KCNIP4: variants seen among roughly 807,000 people sequenced by gnomAD.
KCNIP4 encodes the protein Kv channel-interacting protein 4.
In KCNIP4, 12 loss-of-function variants were observed where a neutral mutation model predicts 34.0. That is an observed-to-expected ratio of 0.35 (90% CI 0.23 to 0.57). The LOEUF is 0.57. Among genes scored for constraint, KCNIP4 ranks in the 20% least tolerant of loss-of-function variants. The pLI, the probability that KCNIP4 is intolerant of heterozygous loss-of-function variation, is 0.83. For missense variants in KCNIP4, 238 were observed against 311.7 expected (o/e 0.76, Z 1.78); for synonymous variants, 124 against 102.2 (o/e 1.21, Z -1.29).
intron 1 of KCNIP4, among the ~76,000 whole-genome samples, chr4:21,307,026 T>G (rs1560275919): frequency 1.3e-5 from 2 of 152,072 alleles, no homozygotes; most frequent in Non-Finnish European, 2.9e-5. Context: ...TTCTCCATGT[T>G]GGTGAGGCTG....
intron 1 of KCNIP4, among the ~76,000 whole-genome samples, chr4:21,930,838 A>G (rs781586106): frequency 3.3e-5 from 5 of 152,098 alleles, no homozygotes; most frequent in Admixed American, 6.6e-5. Flanking sequence ...ATGTTGCTCT[A>G]AGAGCTACTT....
intron 1 of KCNIP4, among the ~76,000 whole-genome samples, chr4:21,822,875 G>T (rs2109292942): frequency 6.6e-6 from 1 of 152,020 alleles, no homozygotes; most frequent in Admixed American, 6.6e-5. Context: ...CCACCACCAT[G>T]CCCAGCTAAT....
Position 21,208,354 on chromosome 4 carries a change from G to A in KCNIP4, c.62-325645C>T, listed in dbSNP as rs574934437. Among the ~76,000 whole-genome samples, 9 of 152,208 alleles carry A rather than the reference G, an allele frequency of 5.9e-5. 1 individual carries two copies. The South Asian group carries it at 1.9e-3, about 32-fold the overall frequency. On this transcript the variant is annotated intron_variant, in intron 1 of 8. Coordinates refer to ENST00000382152, the MANE Select transcript of KCNIP4 (RefSeq NM_025221.6). ...AATGTCACTAGACTACTCTTTCTAA[G>A]ATACATCAAGTGGGTCAATGCAGTC...
Position 21,630,505 on chromosome 4 carries a change from A to G in KCNIP4, c.61+318066T>C, listed in dbSNP as rs1487851987. The stretch of plus-strand genomic sequence containing the variant: ...TCAGAATCCCATTTTCTTCTCTATC[A>G]TCACCATACTCATGTTCATATTATC... On this transcript the variant is annotated intron_variant, in intron 1 of 8. Coordinates refer to ENST00000382152, the MANE Select transcript of KCNIP4 (RefSeq NM_025221.6). 4.0e-5 allele frequency among the ~76,000 whole-genome samples: 6 copies of G among 151,380 alleles called. No individual in the cohort carries two copies. In the East Asian group the frequency reaches 1.2e-3, roughly 30 times the overall value.
chr4:21,468,038 AC>A (rs1730143812), intron 1 of KCNIP4, among the ~76,000 whole-genome samples: 1 of 152,098 alleles, frequency 6.6e-6, no homozygotes, highest in South Asian at 2.1e-4. Flanking sequence ...TTTGAGAGTA[AC>A]CCTTAGGGCA....
At chr4:21,067,044 C>T (rs1412488321) in intron 1 of KCNIP4, among the ~76,000 whole-genome samples, 1 of 152,136 alleles carries the variant, frequency 6.6e-6, no homozygotes, top group East Asian at 1.9e-4. Context: ...CTGTGTCTTG[C>T]AACTTGGATA....
At chr4:20,767,982 G>A (rs1009752564) in intron 3 of KCNIP4, among the ~76,000 whole-genome samples, 6 of 152,210 alleles carry the variant, frequency 3.9e-5, no homozygotes, top group Admixed American at 1.3e-4. Flanking sequence ...CGGTCTATCA[G>A]TTAAAATAGT....
At position 21,655,282 on chromosome 4, in the gene KCNIP4, A is replaced by G. The variant is rs564703193; in HGVS notation, c.61+293289T>C. Among the ~76,000 whole-genome samples, 3 of 152,254 alleles carry G rather than the reference A, an allele frequency of 2.0e-5. No homozygotes were observed. The East Asian group carries it at 5.8e-4, about 30-fold the overall frequency. On this transcript the variant is annotated intron_variant, in intron 1 of 8. Transcript: ENST00000382152. ...TCGGTGGCTGAGGAGATGGCTACTTAATAGATAATCTGCAATGCAAGCCAA... is the reference window on the plus strand; with the variant it reads ...TCGGTGGCTGAGGAGATGGCTACTTGATAGATAATCTGCAATGCAAGCCAA...
chr4:21,318,241 G>T (rs1022521006), intron 1 of KCNIP4, among the ~76,000 whole-genome samples: 4 of 152,244 alleles, frequency 2.6e-5, no homozygotes. Flanking sequence ...CTCATGTAAA[G>T]GTTTGCTAGG....
chr4:20,834,352 T>C (rs1002562390), intron 3 of KCNIP4, among the ~76,000 whole-genome samples: 1 of 152,186 alleles, frequency 6.6e-6, no homozygotes, highest in African/African-American at 2.4e-5. Context: ...CCAGGAAAAG[T>C]ACAGGGTACT....
At chr4:21,664,749 A>C (rs1748709138) in intron 1 of KCNIP4, among the ~76,000 whole-genome samples, 1 of 152,066 alleles carries the variant, frequency 6.6e-6, no homozygotes, top group African/African-American at 2.4e-5. Context: ...CCTTCATCTC[A>C]CCATGCCACC....
At chr4:21,528,168 C>T (rs1436036732) in intron 1 of KCNIP4, among the ~76,000 whole-genome samples, 1 of 152,210 alleles carries the variant, frequency 6.6e-6, no homozygotes, top group South Asian at 2.1e-4. Context: ...GATTCCAGAT[C>T]GATGCTTTTT....
rs144755481 is a variant in KCNIP4 at position 21,388,456 on chromosome 4, T to C, written c.62-505747A>G. On this transcript the variant is annotated intron_variant, in intron 1 of 8. Transcript: ENST00000382152. ...CACTTTTCATGTTTTAAGTACTCAATATACCCATAGATTATTATCTTTTTA... is the reference window on the plus strand; with the variant it reads ...CACTTTTCATGTTTTAAGTACTCAACATACCCATAGATTATTATCTTTTTA... Among the ~76,000 whole-genome samples the C allele has an allele frequency of 3.6e-3, 554 of 152,152 alleles. 3 individuals are homozygous for C. Among genetic ancestry groups the C allele is most frequent in the African/African-American group, 0.012 (519 of 41,548 alleles).
intron 1 of KCNIP4, among the ~76,000 whole-genome samples, chr4:21,019,040 C>T (rs900838876): frequency 2.0e-5 from 3 of 152,048 alleles, no homozygotes; most frequent in Admixed American, 6.5e-5. Context: ...AATAAGTGTC[C>T]CCAGGGTTGA....
intron 1 of KCNIP4, among the ~76,000 whole-genome samples, chr4:21,013,671 T>G (rs112576576): frequency 0.013 from 2,046 of 152,272 alleles, 44 homozygotes; most frequent in African/African-American, 0.046. Context: ...GGAGGATTTG[T>G]GTCAGGTAAA....
intron 1 of KCNIP4, among the ~76,000 whole-genome samples, chr4:20,970,716 C>T (rs1275974097): frequency 6.6e-6 from 1 of 152,140 alleles, no homozygotes; most frequent in Non-Finnish European, 1.5e-5. Context: ...TTGAGAATCC[C>T]TGCCTAAAAC....
At chr4:21,683,956 C>G (rs935002919) in intron 1 of KCNIP4, among the ~76,000 whole-genome samples, 1 of 151,832 alleles carries the variant, frequency 6.6e-6, no homozygotes, top group African/African-American at 2.4e-5. Flanking sequence ...AGGGGAACAA[C>G]AGATACTGGG....
intron 1 of KCNIP4, among the ~76,000 whole-genome samples, chr4:20,907,970 AAG>A (rs1560561029): frequency 6.6e-6 from 1 of 152,150 alleles, no homozygotes; most frequent in Non-Finnish European, 1.5e-5. Flanking sequence ...ATTCTGATAA[AAG>A]AGATTCCTGA....
At chr4:21,675,340 A>G (rs527455081) in intron 1 of KCNIP4, among the ~76,000 whole-genome samples, 2 of 152,234 alleles carry the variant, frequency 1.3e-5, no homozygotes, top group African/African-American at 4.8e-5. Context: ...TAATGGGTGC[A>G]AAAAATAATT....
Sources: allele counts gnomAD v4.1 joint callset (sites outside exome capture counted in the v4.1 genomes callset), GRCh38; gene constraint gnomAD v4.1.1; transcripts MANE v1.5; gene names NCBI Gene and HGNC (gene_info 2026-07-23, HGNC 2026-07-21).